PIKFYVE: variants seen among roughly 807,000 people sequenced by gnomAD.
The protein encoded by PIKFYVE is 1-phosphatidylinositol 3-phosphate 5-kinase.
In PIKFYVE, 122 loss-of-function variants were observed where a neutral mutation model predicts 257.9. The ratio of observed to expected loss-of-function variants is 0.47; its 90% confidence interval spans 0.41 to 0.55. The LOEUF (loss-of-function observed/expected upper bound fraction) is 0.55. Among genes scored for constraint, PIKFYVE ranks in the 20% least tolerant of loss-of-function variants. The pLI is 0.00. For synonymous variants in PIKFYVE, 892 were observed against 868.9 expected, an observed-to-expected ratio of 1.03 and a Z score of -0.47; for missense variants, 2,160 against 2,536.6, an observed-to-expected ratio of 0.85 and a Z score of 3.19.
At chr2:208,266,065 CT>C (rs1453447738), upstream of PIKFYVE, 1 of 152,688 alleles carries the variant, frequency 6.5e-6, no homozygotes, top group Non-Finnish European at 1.5e-5. Context: ...CGCAGTCCCC[CT>C]GGCTTCTTCC....
chr2:208,302,177 T>G (rs1004769866), intron 9 of PIKFYVE, 65 bp from the exon 10 acceptor site: 94 of 1,357,226 alleles, frequency 6.9e-5, no homozygotes, highest in Non-Finnish European at 1.5e-5. Flanking sequence ...AGGTTGTGTC[T>G]TATCTGGTAC....
Position 208,320,233 on chromosome 2 carries a change from A to G in PIKFYVE, c.2083-19A>G. ...ATGCAAACCTTTAAACACTTTAACA[A>G]ACTGTTCATTTTTTGTAGATGAGTT... On this transcript the variant is annotated intron_variant, in intron 16 of 41. Transcript: ENST00000264380. The G allele has an allele frequency of 6.2e-7, 1 of 1,608,950 alleles. No individual in the cohort carries two copies. Among genetic ancestry groups the G allele is most frequent in the Non-Finnish European group, 8.5e-7 (1 of 1,176,962 alleles).
chr2:208,286,492 T>C (rs1247124219), intron 6 of PIKFYVE, among the ~76,000 whole-genome samples: 1 of 152,146 alleles, frequency 6.6e-6, no homozygotes, highest in African/African-American at 2.4e-5. Flanking sequence ...TTACCTGGAA[T>C]TGTTTGAATT....
intron 9 of PIKFYVE, 147 bp from the exon 10 acceptor site, chr2:208,302,095 C>A: frequency 1.5e-6 from 1 of 688,604 alleles, no homozygotes; most frequent in Non-Finnish European, 2.6e-6. Flanking sequence ...TTAACTCTCT[C>A]GTTTCGTCCT....
In PIKFYVE at chr2:208,330,666, C is replaced by G. The variant is rs182404155; in HGVS notation, c.3935C>G (p.Thr1312Arg). ...CCTGGATATCAGCATACAATTCTTA[C>G]ATATTCCTGGTGTAGAATCTGCAAA... Reference protein sequence around the residue: ...PVPGYQHTILTYSWCRICKQV... With the variant: ...PVPGYQHTILRYSWCRICKQV... The change falls in exon 23 of 42, where the codon ACA becomes AGA. Residue 1312 changes from threonine to arginine, a missense_variant. This residue lies in a region of PIKFYVE where 55 missense variants were observed against 103.0 expected (regional missense o/e 0.53). Transcript: ENST00000264380. 6.2e-7 allele frequency: 1 copy of G among 1,613,898 alleles called. No homozygotes were observed. Among genetic ancestry groups the G allele is most frequent in the African/African-American group, 1.3e-5 (1 of 75,004 alleles).
At chr2:208,327,732 T>A (rs1416839481) in intron 20 of PIKFYVE, among the ~76,000 whole-genome samples, 1 of 152,166 alleles carries the variant, frequency 6.6e-6, no homozygotes, top group Non-Finnish European at 1.5e-5. Context: ...GCTTCTATAC[T>A]GTTTCAATTT....
chr2:208,296,184 T>C (rs1038198645), intron 7 of PIKFYVE, among the ~76,000 whole-genome samples: 1 of 152,164 alleles, frequency 6.6e-6, no homozygotes, highest in African/African-American at 2.4e-5. Flanking sequence ...TTTGTATTTT[T>C]AATAGAGACA....
At chr2:208,314,256 C>A in intron 13 of PIKFYVE, 38 bp from the exon 14 acceptor site, 1 of 1,595,184 alleles carries the variant, frequency 6.3e-7, no homozygotes, top group Non-Finnish European at 8.6e-7. Context: ...TAAAACAGGA[C>A]AATGAAGTAA....
chr2:208,270,897 T>C (rs1286087974), intron 1 of PIKFYVE, among the ~76,000 whole-genome samples: 2 of 151,742 alleles, frequency 1.3e-5, no homozygotes, highest in Admixed American at 1.3e-4. Flanking sequence ...TAACTGGGCG[T>C]GGTGACTGCG....
At chr2:208,352,300 C>A (rs752010331) in intron 38 of PIKFYVE, among the ~76,000 whole-genome samples, 1 of 152,082 alleles carries the variant, frequency 6.6e-6, no homozygotes, top group Non-Finnish European at 1.5e-5. Context: ...GTGCCCCCCA[C>A]CCCATCCCAA....
chr2:208,286,693 T>C (rs986481015), intron 6 of PIKFYVE, among the ~76,000 whole-genome samples: 1 of 151,856 alleles, frequency 6.6e-6, no homozygotes, highest in Non-Finnish European at 1.5e-5. Context: ...GCTGATTTTT[T>C]TTTTTTTTTA....
At chr2:208,352,606 T>C (rs780078833) in intron 38 of PIKFYVE, 48 bp from the exon 39 acceptor site, 1 of 1,598,058 alleles carries the variant, frequency 6.3e-7, no homozygotes, top group Non-Finnish European at 8.6e-7. Context: ...TATTAAATTA[T>C]AAATAACCCT....
chr2:208,329,765 AT>A, intron 21 of PIKFYVE, 76 bp from the exon 22 acceptor site: 1 of 1,575,064 alleles, frequency 6.3e-7, no homozygotes, highest in Non-Finnish European at 8.7e-7. Flanking sequence ...TTAATAGGTA[AT>A]CATAATTTGT....
intron 7 of PIKFYVE, among the ~76,000 whole-genome samples, chr2:208,292,868 A>G (rs1191028160): frequency 6.6e-6 from 1 of 152,026 alleles, no homozygotes; most frequent in Non-Finnish European, 1.5e-5. Context: ...CATTCTAACC[A>G]TCTCTGTCTT....
At chr2:208,305,069 G>C in intron 12 of PIKFYVE, 56 bp downstream of exon 12, 1 of 1,609,398 alleles carries the variant, frequency 6.2e-7, no homozygotes, top group Non-Finnish European at 8.5e-7. Context: ...TGGGCCATAG[G>C]ATCTCATGCC....
chr2:208,274,165 C>G (rs1215860244), intron 3 of PIKFYVE: 1 of 1,194,374 alleles, frequency 8.4e-7, no homozygotes, highest in Non-Finnish European at 1.2e-6. Context: ...TGGGCTGCCA[C>G]TTGCTCTTGG....
intron 32 of PIKFYVE, among the ~76,000 whole-genome samples, chr2:208,343,135 A>AT (rs1698880826): frequency 6.6e-6 from 1 of 152,158 alleles, no homozygotes; most frequent in Non-Finnish European, 1.5e-5. Context: ...CTGAACCCAA[A>AT]TAATGAAGTA....
chr2:208,312,599 A>G (rs1161580320), intron 13 of PIKFYVE, among the ~76,000 whole-genome samples: 3 of 152,234 alleles, frequency 2.0e-5, no homozygotes, highest in Non-Finnish European at 4.4e-5. Flanking sequence ...TGTATTGTGA[A>G]TATAATATTA....
chr2:208,339,664 T>G, intron 30 of PIKFYVE, 109 bp downstream of exon 30: 1 of 1,382,512 alleles, frequency 7.2e-7, no homozygotes, highest in East Asian at 2.5e-5. Flanking sequence ...ATTTGCTTCA[T>G]AATAACAGAT....
Sources: gnomAD v4.1 joint callset for allele counts (sites outside exome capture counted in the v4.1 genomes callset) on GRCh38, gnomAD v4.1.1 for gene constraint, gnomAD v4.1.1 regional missense constraint, MANE v1.5 for transcripts, NCBI Gene and HGNC (gene_info 2026-07-23, HGNC 2026-07-21) for gene names.